CHRDL2: variants seen among roughly 807,000 people sequenced by gnomAD.
The protein encoded by CHRDL2 is chordin like 2, also known as chordin-like protein 2.
In CHRDL2, 41 loss-of-function variants were observed where a neutral mutation model predicts 54.3. The ratio of observed to expected loss-of-function variants is 0.76; its 90% confidence interval spans 0.59 to 0.98. The LOEUF (loss-of-function observed/expected upper bound fraction) is 0.98, where lower values mean the gene tolerates loss of function less well. Among genes scored for constraint, CHRDL2 ranks in the 50% least tolerant of loss-of-function variants. CHRDL2 has a pLI of 0.00. For synonymous variants in CHRDL2, 220 were observed against 224.3 expected (o/e 0.98, Z 0.17); for missense variants, 518 against 562.4 (o/e 0.92, Z 0.80).
At position 74,702,849 on chromosome 11, in the gene CHRDL2, G is replaced by A. The variant is rs2135238141; in HGVS notation, c.1065C>T (p.Ala355=). 6.2e-7 allele frequency: 1 copy of A among 1,614,124 alleles called. No individual in the cohort carries two copies. The highest frequency in any genetic ancestry group is 8.5e-7 in the Non-Finnish European group (1 of 1,180,020). Residue 355 remains alanine (A), a synonymous_variant, in exon 9 of 11, where the codon GCC becomes GCT. Transcript: ENST00000376332. Reference sequence around the variant, plus strand: ...CCAAGTCCGAGGCCTCGTGTTCCAGGGCAAAGCGACGCAGGTTGTCTGGGC... The same window carrying A: ...CCAAGTCCGAGGCCTCGTGTTCCAGAGCAAAGCGACGCAGGTTGTCTGGGC... ...SPSPDNLRRF[A]LEHEASDLVE...
At chr11:74,728,863 C>A (rs1432255732) in intron 1 of CHRDL2, among the ~76,000 whole-genome samples, 1 of 152,178 alleles carries the variant, frequency 6.6e-6, no homozygotes, top group Non-Finnish European at 1.5e-5. Flanking sequence ...GTCCACCTCA[C>A]CCTAATGAGT....
At chr11:74,703,696 C>A (rs1252679572) in intron 7 of CHRDL2, among the ~76,000 whole-genome samples, 197 bp from the exon 8 acceptor site, 1 of 152,244 alleles carries the variant, frequency 6.6e-6, no homozygotes, top group Non-Finnish European at 1.5e-5. Flanking sequence ...GCACTCAGAG[C>A]TGAGATGGGC....
chr11:74,715,705 G>A (rs140521502), intron 2 of CHRDL2, among the ~76,000 whole-genome samples: 1,837 of 150,856 alleles, frequency 0.012, 38 homozygotes, highest in African/African-American at 0.041. Context: ...AGGGCCTGGC[G>A]TGGTGGCTCA....
At chr11:74,697,567 C>T in intron 9 of CHRDL2, 1 of 549,730 alleles carries the variant, frequency 1.8e-6, no homozygotes, top group Non-Finnish European at 3.4e-6. Context: ...AATCTGCAAT[C>T]CTAGCTCTGG....
chr11:74,722,312 A>G (rs2034512098), intron 1 of CHRDL2, among the ~76,000 whole-genome samples: 1 of 152,100 alleles, frequency 6.6e-6, no homozygotes, highest in African/African-American at 2.4e-5. Context: ...GAGACCAAGC[A>G]TGACTTTTCT....
intron 9 of CHRDL2, among the ~76,000 whole-genome samples, chr11:74,700,649 T>TC (rs1565147117): frequency 7.1e-6 from 1 of 141,446 alleles, no homozygotes; most frequent in South Asian, 2.3e-4. Context: ...TATTATTTTT[T>TC]TTTTTTTGAG....
chr11:74,701,777 TATC>T (rs1256285294), intron 9 of CHRDL2: 1 of 552,122 alleles, frequency 1.8e-6, no homozygotes, highest in African/African-American at 1.9e-5. Flanking sequence ...TCATTTTTCT[TATC>T]ATCATTCCCT....
At chr11:74,703,749 T>C (rs530783528) in intron 7 of CHRDL2, among the ~76,000 whole-genome samples, 1 of 152,358 alleles carries the variant, frequency 6.6e-6, no homozygotes, top group East Asian at 1.9e-4. Context: ...CCCTCACCCT[T>C]CAGGGCACTT....
rs1002614854 is a variant in CHRDL2, at chr11:74,697,200, C to G, written c.1213+5G>C. The stretch of plus-strand genomic sequence containing the variant: ...CCGGCCCCATTCCTCAGCCCAAGCT[C>G]CTACCTTCGTGGGGGCCAGCGAGCA... On this transcript the variant is annotated splice_donor_5th_base_variant and intron_variant, in intron 10 of 10. Transcript: ENST00000376332. 5 of 1,612,246 alleles carry G rather than the reference C, an allele frequency of 3.1e-6. No individual in the cohort carries two copies. The highest frequency in any genetic ancestry group is 1.7e-5 in the Admixed American group (1 of 60,014).
chr11:74,702,100 A>G (rs1739554465), intron 9 of CHRDL2, among the ~76,000 whole-genome samples: 1 of 152,088 alleles, frequency 6.6e-6, no homozygotes, highest in East Asian at 1.9e-4. Context: ...CAAAAAAAAT[A>G]CAAAAATTAG....
At chr11:74,714,589 C>T (rs995873079) in intron 2 of CHRDL2, among the ~76,000 whole-genome samples, 3 of 152,164 alleles carry the variant, frequency 2.0e-5, no homozygotes, top group Non-Finnish European at 4.4e-5. Flanking sequence ...GAGGTAATCG[C>T]GAGAACTAGT....
At chr11:74,708,224 C>T (rs1207131134) in intron 5 of CHRDL2, 78 bp downstream of exon 5, 31 of 1,034,562 alleles carry the variant, frequency 3.0e-5, no homozygotes, top group Non-Finnish European at 3.6e-5. Context: ...TGCAGTTCCT[C>T]ACGGCTCTCA....
chr11:74,727,922 A>T (rs886473732), intron 1 of CHRDL2, among the ~76,000 whole-genome samples: 1 of 152,156 alleles, frequency 6.6e-6, no homozygotes, highest in African/African-American at 2.4e-5. Flanking sequence ...GTCTAGAGTG[A>T]CCAGCATCAC....
chr11:74,715,664 GA>G (rs1251816696), intron 2 of CHRDL2, among the ~76,000 whole-genome samples: 1 of 151,048 alleles, frequency 6.6e-6, no homozygotes. Context: ...GAAGATTTCA[GA>G]TGTTAAATTT....
At chr11:74,701,655 T>C (rs2033816286) in intron 9 of CHRDL2, 1 of 714,994 alleles carries the variant, frequency 1.4e-6, no homozygotes, top group Non-Finnish European at 2.6e-6. Flanking sequence ...ATCTGTAAAA[T>C]GGGGATAATA....
At chr11:74,706,910 A>G (rs2034029008) in intron 5 of CHRDL2, among the ~76,000 whole-genome samples, 1 of 152,206 alleles carries the variant, frequency 6.6e-6, no homozygotes, top group East Asian at 1.9e-4. Flanking sequence ...GGATGGCCCA[A>G]AGGCCCAGAA....
At chr11:74,710,215 CAA>C (rs1180503358) in intron 4 of CHRDL2, among the ~76,000 whole-genome samples, 18 of 73,950 alleles carry the variant, frequency 2.4e-4, no homozygotes, top group Admixed American at 6.1e-4. Context: ...GACTCCGTCT[CAA>C]AAAAAAAAAA....
At position 74,718,783 on chromosome 11, in the gene CHRDL2, C is replaced by T. The variant is rs951424322; in HGVS notation, c.132G>A (p.Glu44=). The change falls in exon 2 of 11, where the codon GAG becomes GAA. Residue 44 remains glutamate (E), a synonymous_variant. Transcript: ENST00000376332. ...GTGGCTCCAAGTAGGGGTGCCAGCT[C>T]TCGCCGGGGGAGTATCTCTTCCCAT... The part of the protein sequence containing the change: ...LFHGKRYSPG[E]SWHPYLEPQG... 2 of 1,613,616 alleles carry T rather than the reference C, an allele frequency of 1.2e-6. No homozygotes were observed. The highest frequency in any genetic ancestry group is 1.7e-6 in the Non-Finnish European group (2 of 1,179,870).
chr11:74,701,216 A>G, intron 9 of CHRDL2: 1 of 193,722 alleles, frequency 5.2e-6, no homozygotes, highest in Non-Finnish European at 1.0e-5. Flanking sequence ...CATGTCATTT[A>G]ATCCTCTAAA....
Sources: allele counts gnomAD v4.1 joint callset (sites outside exome capture counted in the v4.1 genomes callset), GRCh38; gene constraint gnomAD v4.1.1; transcripts MANE v1.5; gene names NCBI Gene and HGNC (gene_info 2026-07-23, HGNC 2026-07-21).